POU2F3: variants seen among roughly 807,000 people sequenced by gnomAD.
POU2F3 encodes the protein POU class 2 homeobox 3.
In POU2F3, 23 loss-of-function variants were observed where a neutral mutation model predicts 59.2. The ratio of observed to expected loss-of-function variants is 0.39; its 90% confidence interval spans 0.28 to 0.55. The LOEUF is 0.55. Ranked by LOEUF, POU2F3 falls within the 20% of genes least tolerant of loss-of-function variation. The pLI, the probability that POU2F3 is intolerant of heterozygous loss-of-function variation, is 0.66. For missense variants in POU2F3, 473 were observed against 544.5 expected, an observed-to-expected ratio of 0.87 and a Z score of 1.31; for synonymous variants, 190 against 214.6, an observed-to-expected ratio of 0.89 and a Z score of 1.00.
At chr11:120,240,559 A>G (rs1011945942) in intron 1 of POU2F3, among the ~76,000 whole-genome samples, 188 bp downstream of exon 1, 1 of 151,130 alleles carries the variant, frequency 6.6e-6, no homozygotes, top group Non-Finnish European at 1.5e-5. Context: ...GGGATCTGGG[A>G]TAAGAAACCC....
At chr11:120,310,067 T>C (rs762057840) in intron 10 of POU2F3, among the ~76,000 whole-genome samples, 5 of 152,086 alleles carry the variant, frequency 3.3e-5, no homozygotes, top group Non-Finnish European at 5.9e-5. Context: ...TGAGAAGCCA[T>C]TGGAGAGCTC....
In POU2F3 at chr11:120,299,892, G is replaced by A. The variant is rs7119774; in HGVS notation, c.361+166G>A. 4.8e-3 allele frequency among the ~76,000 whole-genome samples: 730 copies of A among 152,292 alleles called. 5 individuals carry two copies. Among genetic ancestry groups the A allele is most frequent in the African/African-American group, 0.017 (689 of 41,548 alleles). ...CCCAGGGTCTGAGGAAGGGACCCTGGCAATGCTCCTCCAGGCTTAGTCTCC... is the reference window on the plus strand; with the variant it reads ...CCCAGGGTCTGAGGAAGGGACCCTGACAATGCTCCTCCAGGCTTAGTCTCC... On this transcript the variant is annotated intron_variant, in intron 5 of 12. Transcript: ENST00000543440.
intron 10 of POU2F3, among the ~76,000 whole-genome samples, chr11:120,312,068 G>A (rs982864522): frequency 2.0e-5 from 3 of 152,156 alleles, no homozygotes; most frequent in African/African-American, 4.8e-5. Context: ...CAAGAGTAGT[G>A]TACAAGGCAG....
chr11:120,253,090 G>T (rs545985369), intron 2 of POU2F3, among the ~76,000 whole-genome samples: 1 of 152,164 alleles, frequency 6.6e-6, no homozygotes, highest in East Asian at 1.9e-4. Context: ...AGTCTGGGAG[G>T]AGGACCAGTG....
At chr11:120,307,749 T>C in intron 9 of POU2F3, 134 bp downstream of exon 9, 1 of 1,230,244 alleles carries the variant, frequency 8.1e-7, no homozygotes. Flanking sequence ...AAACACATTA[T>C]CCCACTCCAG....
At chr11:120,297,657 G>A (rs1162617496) in intron 3 of POU2F3, among the ~76,000 whole-genome samples, 1 of 152,204 alleles carries the variant, frequency 6.6e-6, no homozygotes, top group Non-Finnish European at 1.5e-5. Flanking sequence ...TTTTTACTCT[G>A]TGAGGTAAAG....
intron 9 of POU2F3, 151 bp downstream of exon 9, chr11:120,307,766 A>G: frequency 9.6e-7 from 1 of 1,040,146 alleles, no homozygotes; most frequent in Non-Finnish European, 1.4e-6. Context: ...CCAGGCGCCC[A>G]GGTATTGGAG....
At chr11:120,242,879 G>T (rs1351498022) in intron 1 of POU2F3, among the ~76,000 whole-genome samples, 2 of 152,168 alleles carry the variant, frequency 1.3e-5, no homozygotes, top group African/African-American at 4.8e-5. Context: ...ACTAAAAACA[G>T]GCAGAGAAGT....
chr11:120,269,390 C>T (rs981416726), intron 3 of POU2F3, 146 bp downstream of exon 3: 3 of 638,250 alleles, frequency 4.7e-6, no homozygotes, highest in African/African-American at 1.8e-5. Flanking sequence ...GGACCTTGAG[C>T]CCAACCTCCC....
At chr11:120,274,112 G>A (rs986476613) in intron 3 of POU2F3, among the ~76,000 whole-genome samples, 10 of 90,984 alleles carry the variant, frequency 1.1e-4, no homozygotes, top group African/African-American at 4.1e-4. Context: ...AGGAAGAAAG[G>A]AAGGAAGGAA....
intron 3 of POU2F3, among the ~76,000 whole-genome samples, chr11:120,295,225 T>C (rs1407580473): frequency 6.6e-6 from 1 of 152,230 alleles, no homozygotes; most frequent in African/African-American, 2.4e-5. Flanking sequence ...TTCTAACAGA[T>C]AGCGCCCAGG....
At chr11:120,284,522 C>G (rs1039108585) in intron 3 of POU2F3, among the ~76,000 whole-genome samples, 1 of 152,158 alleles carries the variant, frequency 6.6e-6, no homozygotes, top group East Asian at 1.9e-4. Context: ...TTGTTGGGTG[C>G]TAGGGCCTAG....
At chr11:120,258,626 C>A (rs773366206) in intron 2 of POU2F3, among the ~76,000 whole-genome samples, 4 of 152,214 alleles carry the variant, frequency 2.6e-5, no homozygotes, top group Non-Finnish European at 5.9e-5. Flanking sequence ...TCTTATTTAA[C>A]TTCCTTTGAA....
chr11:120,286,876 C>T (rs1288151676), intron 3 of POU2F3, among the ~76,000 whole-genome samples: 1 of 152,062 alleles, frequency 6.6e-6, no homozygotes, highest in Non-Finnish European at 1.5e-5. Context: ...CCCTGCTCCT[C>T]ATGCAGAGAT....
intron 5 of POU2F3, chr11:120,301,100 G>A (rs1216932721): frequency 1.1e-5 from 5 of 455,230 alleles, no homozygotes; most frequent in African/African-American, 2.0e-5. Context: ...GTCAGTGTAT[G>A]ATGCAGTGGT....
intron 2 of POU2F3, among the ~76,000 whole-genome samples, chr11:120,250,751 G>A (rs1167215138): frequency 2.6e-5 from 4 of 152,150 alleles, no homozygotes; most frequent in East Asian, 1.9e-4. Context: ...CAAGGCAGGC[G>A]AATCACTTGA....
intron 1 of POU2F3, among the ~76,000 whole-genome samples, chr11:120,241,523 G>A (rs1000173386): frequency 1.3e-5 from 2 of 152,210 alleles, no homozygotes; most frequent in African/African-American, 4.8e-5. Context: ...GGCTCTCCAG[G>A]ACGTGCCAGA....
chr11:120,307,408 C>G, intron 8 of POU2F3, 71 bp from the exon 9 acceptor site: 11 of 1,560,210 alleles, frequency 7.1e-6, no homozygotes, highest in Non-Finnish European at 9.6e-6. Context: ...GTTGTTGGAC[C>G]TCAGATCCAT....
chr11:120,243,450 C>T (rs1938752575), intron 1 of POU2F3, among the ~76,000 whole-genome samples: 1 of 152,180 alleles, frequency 6.6e-6, no homozygotes, highest in South Asian at 2.1e-4. Context: ...ACGCTAACTT[C>T]AGGGTGTGAT....
Sources: gnomAD v4.1 joint callset for allele counts (sites outside exome capture counted in the v4.1 genomes callset) on GRCh38, gnomAD v4.1.1 for gene constraint, MANE v1.5 for transcripts, NCBI Gene and HGNC (gene_info 2026-07-23, HGNC 2026-07-21) for gene names.